The following KCNQ1 variants were observed in gnomAD, a reference collection of about 807,000 sequenced individuals.
The protein encoded by KCNQ1 is potassium voltage-gated channel subfamily KQT member 1.
KCNQ1 carries 49 observed loss-of-function variants against 72.4 expected under a neutral mutation model. The observed-to-expected ratio is 0.68, with a 90% CI of 0.54 to 0.86. The LOEUF (loss-of-function observed/expected upper bound fraction) is 0.86, where lower values mean the gene tolerates loss of function less well. Ranked by LOEUF, KCNQ1 falls within the 40% of genes least tolerant of loss-of-function variation. The probability of loss-of-function intolerance (pLI) is 0.00; values close to 1 mark genes in which losing one functional copy is unlikely to be tolerated. For missense variants in KCNQ1, 790 were observed against 945.1 expected, an observed-to-expected ratio of 0.84 and a Z score of 2.15; for synonymous variants, 450 against 412.6, an observed-to-expected ratio of 1.09 and a Z score of -1.10.
intron 10 of KCNQ1, among the ~76,000 whole-genome samples, chr11:2,591,176 G>A (rs762367071): frequency 5.3e-5 from 8 of 152,240 alleles, no homozygotes; most frequent in Non-Finnish European, 8.8e-5. Context: ...CTTTGTGCTC[G>A]CAGGCACCAG....
intron 10 of KCNQ1, among the ~76,000 whole-genome samples, chr11:2,605,134 G>C (rs1036330917): frequency 6.6e-6 from 1 of 151,910 alleles, no homozygotes; most frequent in Non-Finnish European, 1.5e-5. Flanking sequence ...CTTTAAGTTG[G>C]GATATTTGTC....
Position 2,651,015 on chromosome 11 carries a change from A to G in KCNQ1, c.1394-10946A>G, listed in dbSNP as rs1012313979. The stretch of plus-strand genomic sequence containing the variant: ...GGATTTGCCCACACCTAGTCTCTCC[A>G]GCTATCTCCCTGGTTAAAACCACCA... On this transcript the variant is annotated intron_variant, in intron 10 of 15. Coordinates refer to ENST00000155840, the MANE Select transcript of KCNQ1 (RefSeq NM_000218.3). This position sits in a 1 kb window ranked among gnomAD's most constrained non-coding sequence, Gnocchi z 6.1. 3 of 398,560 alleles carry G rather than the reference A, an allele frequency of 7.5e-6. No homozygotes were observed. The highest frequency in any genetic ancestry group is 4.1e-5 in the African/African-American group (2 of 48,626). The allele number at this position is 398,560 out of a possible 1,614,324, so 24.7% of individuals were successfully genotyped here. A position where few individuals can be genotyped will look rare whatever the true frequency, so the allele number is the denominator to read the frequency against.
chr11:2,668,649 T>A lies in KCNQ1; in HGVS notation c.1514+6568T>A, dbSNP rs530907802. The A allele has an allele frequency of 2.5e-6, 1 of 398,634 alleles. No homozygotes were observed. The highest frequency in any genetic ancestry group is 4.4e-5 in the Admixed American group (1 of 22,732). 24.7% of individuals were successfully genotyped at this position (398,634 alleles called of 1,614,324 possible). A position where few individuals can be genotyped will look rare whatever the true frequency, so the allele number is the denominator to read the frequency against. On this transcript the variant is annotated intron_variant, in intron 11 of 15. Coordinates refer to ENST00000155840, the MANE Select transcript of KCNQ1 (RefSeq NM_000218.3). This position sits in a 1 kb window ranked among gnomAD's most constrained non-coding sequence, Gnocchi z 4.3. ...TTATGTTTATTTATGGTCCTATATA[T>A]CTTTAGATATTCTGGAGTCATTTGT...
rs1371430739 is a variant in KCNQ1 at position 2,803,302 on chromosome 11, G to T, written c.1794+25265G>T. On this transcript the variant is annotated intron_variant, in intron 15 of 15. Coordinates refer to ENST00000155840, the MANE Select transcript of KCNQ1 (RefSeq NM_000218.3). The surrounding 1 kb of genome is among the most constrained non-coding windows in gnomAD (Gnocchi z 6.4). Reference sequence around the variant, plus strand: ...AAATAGGGCCCCGGAGTCAGCAAGGGCTTCCTGGGGGCCCAGGTCAGCCTG... The same window carrying T: ...AAATAGGGCCCCGGAGTCAGCAAGGTCTTCCTGGGGGCCCAGGTCAGCCTG... 1.3e-5 allele frequency among the ~76,000 whole-genome samples: 2 copies of T among 152,234 alleles called. No homozygotes were observed. Among genetic ancestry groups the T allele is most frequent in the African/African-American group, 4.8e-5 (2 of 41,472 alleles).
rs199472797 is a variant in KCNQ1 at position 2,775,996 on chromosome 11, G to A, written c.1627G>A (p.Glu543Lys). The change falls in exon 13 of 16, where the codon GAG becomes AAG. Residue 543 changes from glutamate to lysine, a missense_variant. Transcript: ENST00000155840. ...GCCTTACGATGTGCGGGACGTCATTGAGCAGTACTCGCAGGGCCACCTCAA... is the reference window on the plus strand; with the variant it reads ...GCCTTACGATGTGCGGGACGTCATTAAGCAGTACTCGCAGGGCCACCTCAA... ...RKPYDVRDVI[E>K]QYSQGHLNLM... 1.3e-6 allele frequency: 2 copies of A among 1,572,258 alleles called. No homozygotes were observed. Among genetic ancestry groups the A allele is most frequent in the Non-Finnish European group, 1.7e-6 (2 of 1,159,008 alleles).
At chr11:2,736,368 G>A (rs1845956320) in intron 11 of KCNQ1, among the ~76,000 whole-genome samples, 1 of 152,204 alleles carries the variant, frequency 6.6e-6, no homozygotes, top group African/African-American at 2.4e-5. Context: ...GGAGTGCCGA[G>A]GGCCCAGGTC....
chr11:2,647,690 T>C lies in KCNQ1; in HGVS notation c.1394-14271T>C. On this transcript the variant is annotated intron_variant, in intron 10 of 15. Coordinates refer to ENST00000155840, the MANE Select transcript of KCNQ1 (RefSeq NM_000218.3). The surrounding 1 kb of genome is among the most constrained non-coding windows in gnomAD (Gnocchi z 4.0). ...ATCTCATTCCTTGTTATTGCTCTGT[T>C]CAGATTTTTTTTCTTCCTGGTTCAA... 2.5e-6 allele frequency: 1 copy of C among 398,572 alleles called. No individual in the cohort carries two copies. The highest frequency in any genetic ancestry group is 3.6e-5 in the East Asian group (1 of 28,056). The allele number at this position is 398,572 out of a possible 1,614,324, so 24.7% of individuals were successfully genotyped here.
intron 6 of KCNQ1, among the ~76,000 whole-genome samples, chr11:2,576,455 C>G (rs1197885485): frequency 1.3e-5 from 2 of 152,234 alleles, no homozygotes; most frequent in African/African-American, 2.4e-5. Context: ...GAGGGAGAAG[C>G]AGTTTTTGCA....
Position 2,654,456 on chromosome 11 carries a change from C to T in KCNQ1, c.1394-7505C>T. The T allele has an allele frequency of 2.5e-6, 1 of 398,612 alleles. No homozygotes were observed. Among genetic ancestry groups the T allele is most frequent in the Non-Finnish European group, 4.4e-6 (1 of 226,162 alleles). The allele number at this position is 398,612 out of a possible 1,614,324, so 24.7% of individuals were successfully genotyped here. ...GAAGGCAAGGTTCCCGTGCTGAGCG[C>T]CAGGCACACATAAGCCCTGCAGCCG... On this transcript the variant is annotated intron_variant, in intron 10 of 15. Transcript: ENST00000155840. This position sits in a 1 kb window ranked among gnomAD's most constrained non-coding sequence, Gnocchi z 6.4.
chr11:2,571,969 G>A (rs1564820695), intron 4 of KCNQ1, 44 bp from the exon 5 acceptor site: 1 of 1,555,494 alleles, frequency 6.4e-7, no homozygotes, highest in Non-Finnish European at 8.8e-7. Flanking sequence ...GTGAACAGCT[G>A]AGCCCAGCCT....
chr11:2,569,711 G>A (rs1226194425), intron 2 of KCNQ1, among the ~76,000 whole-genome samples: 1 of 152,210 alleles, frequency 6.6e-6, no homozygotes, highest in Non-Finnish European at 1.5e-5. Context: ...CCTGCAGGTG[G>A]CCGCTGCACT....
intron 1 of KCNQ1, among the ~76,000 whole-genome samples, chr11:2,520,696 C>G (rs1020747514): frequency 6.6e-6 from 1 of 152,186 alleles, no homozygotes; most frequent in African/African-American, 2.4e-5. Flanking sequence ...CTGCTGGTGA[C>G]CAGTGAGTGA....
rs1847770868 is a variant in KCNQ1 at position 2,538,405 on chromosome 11, C to T, written c.477+10387C>T. On this transcript the variant is annotated intron_variant, in intron 2 of 15. Transcript: ENST00000155840. The surrounding 1 kb of genome is among the most constrained non-coding windows in gnomAD (Gnocchi z 6.7). Reference sequence around the variant, plus strand: ...ACAGGCCCCTCTGTGGGGCCCAGGGCAGAGGCAGCAGGCAGGCTGTCTCCA... The same window carrying T: ...ACAGGCCCCTCTGTGGGGCCCAGGGTAGAGGCAGCAGGCAGGCTGTCTCCA... Among the ~76,000 whole-genome samples the T allele has an allele frequency of 6.6e-6, 1 of 152,166 alleles. No homozygotes were observed.
At chr11:2,527,847 C>G (rs538632886) in intron 1 of KCNQ1, 81 bp from the exon 2 acceptor site, 2 of 1,295,224 alleles carry the variant, frequency 1.5e-6, no homozygotes, top group Admixed American at 1.7e-5. Context: ...GGGGCTGAGG[C>G]CAGGGGCCCC....
rs1281818765 is a variant in KCNQ1 at position 2,678,699 on chromosome 11, ACT to A, written c.1514+16621_1514+16622del. 1 of 398,372 alleles carries A rather than the reference ACT, an allele frequency of 2.5e-6. No individual in the cohort carries two copies. Among genetic ancestry groups the A allele is most frequent in the East Asian group, 3.6e-5 (1 of 28,086 alleles). The allele number at this position is 398,372 out of a possible 1,614,324, so 24.7% of individuals were successfully genotyped here. The stretch of plus-strand genomic sequence containing the variant: ...TCATGGCATGGCCTAAGATCTAAAC[ACT>A]CTTAAGATTTAAACACAGGATTAGC... On this transcript the variant is annotated intron_variant, in intron 11 of 15. Transcript: ENST00000155840. The surrounding 1 kb of genome is among the most constrained non-coding windows in gnomAD (Gnocchi z 4.9).
Position 2,624,418 on chromosome 11 carries a change from T to C in KCNQ1, c.1393+35564T>C. ...TTTACAGAGCAGAAACTTTTATTTTTAACAAAGTCTAGCTTATCAATTATT... is the reference window on the plus strand; with the variant it reads ...TTTACAGAGCAGAAACTTTTATTTTCAACAAAGTCTAGCTTATCAATTATT... On this transcript the variant is annotated intron_variant, in intron 10 of 15. Coordinates refer to ENST00000155840, the MANE Select transcript of KCNQ1 (RefSeq NM_000218.3). The surrounding 1 kb of genome is among the most constrained non-coding windows in gnomAD (Gnocchi z 4.9). 1 of 398,520 alleles carries C rather than the reference T, an allele frequency of 2.5e-6. No homozygotes were observed. Among genetic ancestry groups the C allele is most frequent in the Non-Finnish European group, 4.4e-6 (1 of 226,028 alleles). The allele number at this position is 398,520 out of a possible 1,614,324, so 24.7% of individuals were successfully genotyped here. A position where few individuals can be genotyped will look rare whatever the true frequency, so the allele number is the denominator to read the frequency against.
Position 2,836,515 on chromosome 11 carries a change from G to A in KCNQ1, c.1795-11252G>A, listed in dbSNP as rs971726913. On this transcript the variant is annotated intron_variant, in intron 15 of 15. Coordinates refer to ENST00000155840, the MANE Select transcript of KCNQ1 (RefSeq NM_000218.3). ...CCCAGAAGAGGGGACCCCTCCCCCC[G>A]AACACCAGCACATGTAGGCAGAAAG... Among the ~76,000 whole-genome samples the A allele has an allele frequency of 3.3e-5, 5 of 152,270 alleles. No homozygotes were observed. The East Asian group carries it at 5.8e-4, about 18-fold the overall frequency.
At chr11:2,795,855 A>C (rs917866227) in intron 15 of KCNQ1, among the ~76,000 whole-genome samples, 1 of 152,124 alleles carries the variant, frequency 6.6e-6, no homozygotes, top group African/African-American at 2.4e-5. Flanking sequence ...CTCCACAAGC[A>C]GGGGTCCCAT....
At position 2,645,921 on chromosome 11, in the gene KCNQ1, G is replaced by A; in HGVS notation, c.1394-16040G>A. On this transcript the variant is annotated intron_variant, in intron 10 of 15. Coordinates refer to ENST00000155840, the MANE Select transcript of KCNQ1 (RefSeq NM_000218.3). The surrounding 1 kb of genome is among the most constrained non-coding windows in gnomAD (Gnocchi z 5.8). Reference sequence around the variant, plus strand: ...GTTCATTGCCATTTCACAGTCTGTAGGTAGCCTCTTGTTAGTCTCAAGGCA... The same window carrying A: ...GTTCATTGCCATTTCACAGTCTGTAAGTAGCCTCTTGTTAGTCTCAAGGCA... 1 of 398,612 alleles carries A rather than the reference G, an allele frequency of 2.5e-6. No homozygotes were observed. The allele number at this position is 398,612 out of a possible 1,614,324, so 24.7% of individuals were successfully genotyped here.
Sources: gnomAD v4.1 joint callset for allele counts (sites outside exome capture counted in the v4.1 genomes callset) on GRCh38, gnomAD v4.1.1 for gene constraint, Gnocchi (gnomAD v3.1) non-coding constraint, MANE v1.5 for transcripts, NCBI Gene and HGNC (gene_info 2026-07-23, HGNC 2026-07-21) for gene names.